RABEP2: variants seen among roughly 807,000 people sequenced by gnomAD.
RABEP2 encodes the protein rabaptin, RAB GTPase binding effector protein 2, also known as rab GTPase-binding effector protein 2.
RABEP2 carries 57 observed loss-of-function variants against 74.1 expected under a neutral mutation model. That is an observed-to-expected ratio of 0.77 (90% CI 0.62 to 0.96). RABEP2 has a LOEUF of 0.96. Ranked by LOEUF, RABEP2 falls within the 40% of genes least tolerant of loss-of-function variation. The pLI is 0.00. For missense variants in RABEP2, 692 were observed against 756.3 expected (o/e 0.91, Z 1.00); for synonymous variants, 351 against 344.0 (o/e 1.02, Z -0.23).
At chr16:28,913,343 C>T (rs889390760) in intron 5 of RABEP2, among the ~76,000 whole-genome samples, 7 of 152,296 alleles carry the variant, frequency 4.6e-5, no homozygotes, top group African/African-American at 1.7e-4. Context: ...TTTTGTTTTT[C>T]TCTGGGCATC....
intron 3 of RABEP2, among the ~76,000 whole-genome samples, chr16:28,915,466 T>C (rs1024510513): frequency 2.6e-5 from 4 of 152,224 alleles, no homozygotes; most frequent in Non-Finnish European, 5.9e-5. Context: ...AAACAGATCA[T>C]CTGGCTAAGT....
At chr16:28,924,366 G>C (rs755935803) in intron 2 of RABEP2, 37 bp downstream of exon 2, 1 of 1,562,182 alleles carries the variant, frequency 6.4e-7, no homozygotes, top group Non-Finnish European at 8.8e-7. Context: ...CCCCAGTATG[G>C]GGTTGATGGG....
intron 3 of RABEP2, among the ~76,000 whole-genome samples, chr16:28,919,058 T>C (rs1964433214): frequency 1.3e-5 from 2 of 152,218 alleles, no homozygotes; most frequent in Non-Finnish European, 2.9e-5. Context: ...CTGAGCCTTA[T>C]CGTACTCATC....
chr16:28,909,763 G>A (rs560107774), intron 7 of RABEP2, among the ~76,000 whole-genome samples: 3 of 151,040 alleles, frequency 2.0e-5, no homozygotes, highest in South Asian at 4.2e-4. Context: ...AGTGGCTTAC[G>A]CCTGTAATCC....
Position 28,905,898 on chromosome 16 carries a change from A to G in RABEP2, c.1424-20T>C. On this transcript the variant is annotated intron_variant, in intron 9 of 12. Coordinates refer to ENST00000358201, the MANE Select transcript of RABEP2 (RefSeq NM_024816.3). ...GCACCTCTGTGGGAAGGAAAGAAAG[A>G]GAGGTCAAGGCCAGCCTCTCTCCCC... The G allele has an allele frequency of 6.2e-7, 1 of 1,613,536 alleles. No individual in the cohort carries two copies. Among genetic ancestry groups the G allele is most frequent in the South Asian group, 1.1e-5 (1 of 91,080 alleles).
In RABEP2 at chr16:28,925,087, A is replaced by T; in HGVS notation, c.61+16T>A. 6.5e-7 allele frequency: 1 copy of T among 1,541,490 alleles called. No individual in the cohort carries two copies. Among genetic ancestry groups the T allele is most frequent in the Non-Finnish European group, 8.7e-7 (1 of 1,153,254 alleles). ...GCATCACCGTTCCCCGCTTGCACGGACGCCCCCTCACGTACCAGCCCCCGG... is the reference window on the plus strand; with the variant it reads ...GCATCACCGTTCCCCGCTTGCACGGTCGCCCCCTCACGTACCAGCCCCCGG... On this transcript the variant is annotated intron_variant, in intron 1 of 12. Coordinates refer to ENST00000358201, the MANE Select transcript of RABEP2 (RefSeq NM_024816.3).
Position 28,924,519 on chromosome 16 carries a change from T to G in RABEP2, c.158A>C (p.Glu53Ala). 2 of 1,614,102 alleles carry G rather than the reference T, an allele frequency of 1.2e-6. No individual in the cohort carries two copies. Among genetic ancestry groups the G allele is most frequent in the South Asian group, 1.1e-5 (1 of 91,090 alleles). The change falls in exon 2 of 13, where the codon GAA (glutamate) becomes GCA (alanine). Residue 53 changes from glutamate to alanine, a missense_variant. Coordinates refer to ENST00000358201, the MANE Select transcript of RABEP2 (RefSeq NM_024816.3). ...LRAELAGALA[E>A]METMKAVAEV... ...TGCCACAGCCTTCATGGTTTCCATTTCTGCCAGGGCGCCTGCCAGCTCAGC... is the reference window on the plus strand; with the variant it reads ...TGCCACAGCCTTCATGGTTTCCATTGCTGCCAGGGCGCCTGCCAGCTCAGC...
chr16:28,905,249 G>T, intron 12 of RABEP2, 148 bp downstream of exon 12: 1 of 697,710 alleles, frequency 1.4e-6, no homozygotes, highest in Non-Finnish European at 2.4e-6. Flanking sequence ...AGAGTTTCAG[G>T]GTTTTTTGAG....
chr16:28,919,991 G>T, intron 2 of RABEP2, 48 bp from the exon 3 acceptor site: 1 of 1,520,552 alleles, frequency 6.6e-7, no homozygotes, highest in Non-Finnish European at 8.9e-7. Context: ...CAATGAGCCA[G>T]CCCTGCCTGT....
chr16:28,917,612 G>C (rs1249864516), intron 3 of RABEP2, among the ~76,000 whole-genome samples: 2 of 152,158 alleles, frequency 1.3e-5, no homozygotes, highest in African/African-American at 4.8e-5. Flanking sequence ...AGTAGAGACG[G>C]GGTTTCCCCA....
chr16:28,905,819 C>T, intron 10 of RABEP2, 48 bp downstream of exon 10: 2 of 1,613,966 alleles, frequency 1.2e-6, no homozygotes, highest in South Asian at 1.1e-5. Context: ...CCCCACCTAG[C>T]CCAGCCAGGG....
At position 28,924,598 on chromosome 16, in the gene RABEP2, AC is replaced by A. The variant is rs775547938; in HGVS notation, c.78del (p.Ser27ProfsTer31). ...GCCTCACCATTTGCCCCTTCCTGGG[AC>A]CGGGAGTCCTCCAGTGCTGTGGGGG... is the stretch of plus-strand genomic sequence containing the variant. ...RRPGAALEDS[R>X]SQEGANGEAE... On this transcript the variant is annotated frameshift_variant, in exon 2 of 13. Transcript: ENST00000358201. LOFTEE classifies it high-confidence loss of function. The A allele has an allele frequency of 1.9e-6, 3 of 1,611,240 alleles. No individual in the cohort carries two copies. Among genetic ancestry groups the A allele is most frequent in the Non-Finnish European group, 1.7e-6 (2 of 1,179,958 alleles).
At chr16:28,914,137 G>T in intron 5 of RABEP2, 99 bp downstream of exon 5, 3 of 1,005,890 alleles carry the variant, frequency 3.0e-6, no homozygotes, top group Non-Finnish European at 4.2e-6. Context: ...CCCTGTGGAA[G>T]CTCCGGCTCT....
At chr16:28,922,638 T>C (rs962878644) in intron 2 of RABEP2, among the ~76,000 whole-genome samples, 3 of 151,804 alleles carry the variant, frequency 2.0e-5, no homozygotes, top group African/African-American at 4.8e-5. Context: ...GGCAGGAGAA[T>C]AGCATGAACC....
At chr16:28,914,610 G>C in intron 4 of RABEP2, 24 bp from the exon 5 acceptor site, 1 of 1,610,462 alleles carries the variant, frequency 6.2e-7, no homozygotes, top group Non-Finnish European at 8.5e-7. Flanking sequence ...CAGGGAAGAG[G>C]CTGGGGGGCC....
At chr16:28,918,449 C>T (rs912160180) in intron 3 of RABEP2, among the ~76,000 whole-genome samples, 11 of 151,932 alleles carry the variant, frequency 7.2e-5, no homozygotes, top group African/African-American at 2.7e-4. Flanking sequence ...CCCGTCGCTA[C>T]TAAAACTACA....
chr16:28,924,403 C>T lies in RABEP2; in HGVS notation c.274G>A (p.Asp92Asn), dbSNP rs771568079. 1.2e-6 allele frequency: 2 copies of T among 1,611,840 alleles called. No individual in the cohort carries two copies. Among genetic ancestry groups the T allele is most frequent in the East Asian group, 4.5e-5 (2 of 44,876 alleles). ...EVASLQAILK[D>N]SISSYEAQIT... is the part of the protein sequence containing the mutation. ...AGTCTAGGTGAGTCCCGCGTCTCAC[C>T]TTTCAGGATGGCCTGCAGCGAGGCC... The change falls in exon 2 of 13, where the codon GAC becomes AAC. Residue 92 changes from aspartate (D) to asparagine (N), a missense_variant and splice_region_variant. Asp to Asn is a conservative substitution (Grantham distance 23, BLOSUM62 1). Transcript: ENST00000358201.
intron 8 of RABEP2, among the ~76,000 whole-genome samples, chr16:28,908,036 G>C (rs981719336): frequency 6.6e-6 from 1 of 151,972 alleles, no homozygotes; most frequent in Non-Finnish European, 1.5e-5. Context: ...CTGACCTCAG[G>C]TGATCCACCC....
rs751038600 is a variant in RABEP2 at position 28,906,013 on chromosome 16, C to T, written c.1423+6G>A. On this transcript the variant is annotated splice_donor_region_variant and intron_variant, in intron 9 of 12. Transcript: ENST00000358201. ...CGGGGCTGGGGGCTTGTGCCCCTCC[C>T]CTCACCTGTCTCCTCCCGCTGCACC... 4.4e-6 allele frequency: 7 copies of T among 1,607,718 alleles called. No homozygotes were observed. The highest frequency in any genetic ancestry group is 5.9e-6 in the Non-Finnish European group (7 of 1,177,722).
Sources: allele counts gnomAD v4.1 joint callset (sites outside exome capture counted in the v4.1 genomes callset), GRCh38; gene constraint gnomAD v4.1.1; transcripts MANE v1.5; gene names NCBI Gene and HGNC (gene_info 2026-07-23, HGNC 2026-07-21).